The following IKBKB-DT variants were observed in gnomAD, a reference collection of about 807,000 sequenced individuals.
The protein encoded by IKBKB-DT is IKBKB divergent transcript, also known as IKBKB antisense RNA.
At chr8:42,254,897 G>A (rs1054705162) in intron 3 of IKBKB-DT, among the ~76,000 whole-genome samples, 1 of 148,030 alleles carries the variant, frequency 6.8e-6, no homozygotes. Context: ...CCCACTGTCT[G>A]GGAAGTGAGG....
intron 3 of IKBKB-DT, among the ~76,000 whole-genome samples, chr8:42,248,347 G>A (rs1807087893): frequency 6.6e-6 from 1 of 151,986 alleles, no homozygotes; most frequent in Admixed American, 6.6e-5. Context: ...TTCGGCTCTT[G>A]GTTTGGAGAC....
intron 1 of IKBKB-DT, chr8:42,270,403 G>T (rs1027602604): frequency 6.6e-6 from 1 of 152,332 alleles, no homozygotes; most frequent in Non-Finnish European, 1.5e-5. Flanking sequence ...GCACTGAGCT[G>T]TGATCACACC....
chr8:42,237,491 C>A (rs1424029776), intron 3 of IKBKB-DT, among the ~76,000 whole-genome samples: 1 of 152,106 alleles, frequency 6.6e-6, no homozygotes, highest in Non-Finnish European at 1.5e-5. Flanking sequence ...TCCCGTAATG[C>A]CTGGGAATTC....
intron 1 of IKBKB-DT, among the ~76,000 whole-genome samples, chr8:42,268,343 G>T (rs1362418914): frequency 6.6e-6 from 1 of 151,518 alleles, no homozygotes; most frequent in Non-Finnish European, 1.5e-5. Flanking sequence ...CACCATATTG[G>T]CCAGGATGGT....
intron 3 of IKBKB-DT, among the ~76,000 whole-genome samples, chr8:42,241,804 G>C (rs1447276478): frequency 6.6e-6 from 1 of 152,182 alleles, no homozygotes; most frequent in Non-Finnish European, 1.5e-5. Context: ...AATGCTGGCA[G>C]GAGAACACAA....
intron 3 of IKBKB-DT, among the ~76,000 whole-genome samples, chr8:42,249,946 G>A (rs997605030): frequency 3.9e-5 from 6 of 152,114 alleles, no homozygotes; most frequent in Non-Finnish European, 8.8e-5. Context: ...AGCTGGGTGT[G>A]GTGGTGTAAC....
intron 3 of IKBKB-DT, among the ~76,000 whole-genome samples, chr8:42,235,200 A>ATT (rs1806903501): frequency 7.2e-5 from 6 of 83,154 alleles, no homozygotes; most frequent in African/African-American, 1.8e-4. Flanking sequence ...CTTTTCTTTT[A>ATT]TTTTCTTTTT....
chr8:42,263,299 C>T (rs971899141), intron 3 of IKBKB-DT: 2 of 152,274 alleles, frequency 1.3e-5, no homozygotes, highest in Non-Finnish European at 2.9e-5. Flanking sequence ...AGGTGTGAGC[C>T]ACCACACCCG....
At chr8:42,251,024 C>T (rs1465128544) in intron 3 of IKBKB-DT, among the ~76,000 whole-genome samples, 1 of 152,144 alleles carries the variant, frequency 6.6e-6, no homozygotes, top group Non-Finnish European at 1.5e-5. Flanking sequence ...GTGGGCAGAT[C>T]ACTTGAGGTC....
rs1392923993 is a variant in IKBKB-DT, at chr8:42,268,344, C to T, written n.604-1948G>A. Among the ~76,000 whole-genome samples the T allele has an allele frequency of 6.6e-5, 10 of 151,734 alleles. No homozygotes were observed. The South Asian group carries it at 2.1e-3, about 32-fold the overall frequency. On this transcript the variant is annotated intron_variant and non_coding_transcript_variant, in intron 1 of 3. Transcript: ENST00000518213. ...TAGAGATGGCGTTTCACCATATTGGCCAGGATGGTCTTGATCTCCTGACCT... is the reference window on the plus strand; with the variant it reads ...TAGAGATGGCGTTTCACCATATTGGTCAGGATGGTCTTGATCTCCTGACCT...
intron 1 of IKBKB-DT, among the ~76,000 whole-genome samples, chr8:42,268,270 G>T (rs1373381606): frequency 2.0e-5 from 3 of 151,730 alleles, no homozygotes; most frequent in Non-Finnish European, 4.4e-5. Flanking sequence ...GAGTAGCTTG[G>T]ATTACAGGCA....
intron 3 of IKBKB-DT, among the ~76,000 whole-genome samples, chr8:42,247,745 T>C (rs1477780323): frequency 6.6e-6 from 1 of 152,110 alleles, no homozygotes; most frequent in Non-Finnish European, 1.5e-5. Context: ...GATCTGATTG[T>C]TTTATAAGTG....
At chr8:42,236,912 G>T (rs911684402) in intron 3 of IKBKB-DT, among the ~76,000 whole-genome samples, 1 of 151,960 alleles carries the variant, frequency 6.6e-6, no homozygotes, top group Admixed American at 6.6e-5. Flanking sequence ...TAGAGACAAG[G>T]TCTCACCATG....
intron 3 of IKBKB-DT, among the ~76,000 whole-genome samples, chr8:42,259,628 C>G (rs1324313144): frequency 6.6e-6 from 1 of 152,110 alleles, no homozygotes; most frequent in Non-Finnish European, 1.5e-5. Context: ...ATTTTTATAA[C>G]TGCCTGACAG....
intron 3 of IKBKB-DT, among the ~76,000 whole-genome samples, chr8:42,248,806 G>A (rs1165296941): frequency 6.6e-6 from 1 of 151,610 alleles, no homozygotes; most frequent in Non-Finnish European, 1.5e-5. Flanking sequence ...GAACCCAGGA[G>A]GCGGAGGTTA....
At chr8:42,239,647 TTCA>T (rs1806975202) in intron 3 of IKBKB-DT, among the ~76,000 whole-genome samples, 1 of 124,412 alleles carries the variant, frequency 8.0e-6, no homozygotes, top group Non-Finnish European at 1.7e-5. Context: ...TATTTATTTA[TTCA>T]TTTTTTTTTT....
chr8:42,247,807 T>A (rs1446928895), intron 3 of IKBKB-DT, among the ~76,000 whole-genome samples: 1 of 152,066 alleles, frequency 6.6e-6, no homozygotes, highest in East Asian at 1.9e-4. Context: ...GTGAAGAAAG[T>A]GCCTGCGCTG....
chr8:42,243,479 A>T (rs888645838), intron 3 of IKBKB-DT, among the ~76,000 whole-genome samples: 4 of 152,210 alleles, frequency 2.6e-5, no homozygotes, highest in African/African-American at 9.6e-5. Context: ...TGTTCTCAGA[A>T]CCCCAGAACA....
At chr8:42,242,918 G>A (rs1464971359) in intron 3 of IKBKB-DT, among the ~76,000 whole-genome samples, 2 of 152,240 alleles carry the variant, frequency 1.3e-5, no homozygotes, top group Non-Finnish European at 2.9e-5. Flanking sequence ...AAAATGCAGG[G>A]TCTGTCAGTT....
Sources: allele counts gnomAD v4.1 joint callset (sites outside exome capture counted in the v4.1 genomes callset), GRCh38; gene constraint gnomAD v4.1.1; transcripts MANE v1.5; gene names NCBI Gene and HGNC (gene_info 2026-07-23, HGNC 2026-07-21).